GALNT12: variants seen among roughly 807,000 people sequenced by gnomAD.
The protein encoded by GALNT12 is polypeptide N-acetylgalactosaminyltransferase 12.
Under a neutral mutation model 55.5 loss-of-function variants are expected in GALNT12, and 45 were observed. The observed-to-expected ratio is 0.81, with a 90% confidence interval of 0.64 to 1.04. The LOEUF (loss-of-function observed/expected upper bound fraction) is 1.04, where lower values mean the gene tolerates loss of function less well. GALNT12 is among the 50% of genes least tolerant of loss of function. The pLI is 0.00. For missense variants in GALNT12, 709 were observed against 754.8 expected, an observed-to-expected ratio of 0.94 and a Z score of 0.71; for synonymous variants, 304 against 312.2, an observed-to-expected ratio of 0.97 and a Z score of 0.28.
At chr9:98,838,191 C>T (rs1836199142) in intron 6 of GALNT12, among the ~76,000 whole-genome samples, 1 of 152,222 alleles carries the variant, frequency 6.6e-6, no homozygotes, top group African/African-American at 2.4e-5. Flanking sequence ...TTTTCTAAAA[C>T]AGGGAGTCTG....
At chr9:98,839,917 T>C in intron 6 of GALNT12, 85 bp from the exon 7 acceptor site, 1 of 1,550,306 alleles carries the variant, frequency 6.5e-7, no homozygotes, top group Non-Finnish European at 8.9e-7. Flanking sequence ...TGGCTGGTGG[T>C]TAGTAAGTGA....
At chr9:98,818,614 G>C (rs549200098) in intron 1 of GALNT12, among the ~76,000 whole-genome samples, 26 of 152,090 alleles carry the variant, frequency 1.7e-4, no homozygotes, top group Admixed American at 4.6e-4. Context: ...GGCCATTGCT[G>C]TGCCTCTTTA....
intron 6 of GALNT12, among the ~76,000 whole-genome samples, chr9:98,838,489 C>T (rs1255203903): frequency 6.6e-6 from 1 of 152,230 alleles, no homozygotes; most frequent in Admixed American, 6.5e-5. Context: ...CTGTCGGAGG[C>T]TGAGGTTCAG....
At position 98,819,859 on chromosome 9, in the gene GALNT12, C is replaced by T. The variant is rs1004255225; in HGVS notation, c.372-3397C>T. Among the ~76,000 whole-genome samples, 5 of 152,180 alleles carry T rather than the reference C, an allele frequency of 3.3e-5. No homozygotes were observed. The South Asian group carries it at 1.0e-3, about 32-fold the overall frequency. On this transcript the variant is annotated intron_variant, in intron 1 of 9. Transcript: ENST00000375011. ...ATCCCTGGACACAAAGATCTCAGCC[C>T]AGTACATACTAGCAGGTGCTCTGTG...
At chr9:98,823,737 A>T (rs1835799680) in intron 2 of GALNT12, among the ~76,000 whole-genome samples, 1 of 152,184 alleles carries the variant, frequency 6.6e-6, no homozygotes, top group African/African-American at 2.4e-5. Flanking sequence ...TAAGGGGTTG[A>T]GGCTTAAGTG....
At chr9:98,837,812 G>A (rs939647860) in intron 6 of GALNT12, among the ~76,000 whole-genome samples, 2 of 152,222 alleles carry the variant, frequency 1.3e-5, no homozygotes, top group Admixed American at 6.5e-5. Flanking sequence ...TGGGAGTTAA[G>A]TGTTGGGCAA....
intron 3 of GALNT12, among the ~76,000 whole-genome samples, 194 bp from the exon 4 acceptor site, chr9:98,831,578 A>T (rs903407369): frequency 1.3e-5 from 2 of 152,156 alleles, no homozygotes; most frequent in Admixed American, 6.5e-5. Context: ...CGTGGCCCCC[A>T]GATCTCCCCC....
intron 7 of GALNT12, among the ~76,000 whole-genome samples, chr9:98,840,595 C>T (rs1836266256): frequency 6.6e-6 from 1 of 152,144 alleles, no homozygotes; most frequent in Non-Finnish European, 1.5e-5. Context: ...TTTGTTTTTG[C>T]TGGGAATGAC....
intron 2 of GALNT12, among the ~76,000 whole-genome samples, chr9:98,824,842 C>T (rs1835823358): frequency 6.6e-6 from 1 of 152,192 alleles, no homozygotes. Context: ...CATGTAGCAG[C>T]CGGCACATAG....
At chr9:98,842,071 GTT>G (rs11322655) in intron 7 of GALNT12, among the ~76,000 whole-genome samples, 12 of 149,544 alleles carry the variant, frequency 8.0e-5, no homozygotes, top group African/African-American at 2.2e-4. Flanking sequence ...CTACTGGGTT[GTT>G]TTTTTTTTTG....
At position 98,835,381 on chromosome 9, in the gene GALNT12, C is replaced by A; in HGVS notation, c.1035+15C>A. Reference sequence around the variant, plus strand: ...TTTCCTTTAGGGTAAGTATTTCAGTCTTCTCTTTGGACATGTTCTTAACTG... The same window carrying A: ...TTTCCTTTAGGGTAAGTATTTCAGTATTCTCTTTGGACATGTTCTTAACTG... On this transcript the variant is annotated intron_variant, in intron 5 of 9. Transcript: ENST00000375011. 1.4e-6 allele frequency: 2 copies of A among 1,448,258 alleles called. No individual in the cohort carries two copies. Among genetic ancestry groups the A allele is most frequent in the Non-Finnish European group, 1.9e-6 (2 of 1,028,590 alleles). 89.7% of individuals were successfully genotyped at this position (1,448,258 alleles called of 1,614,324 possible).
rs1836175341 is a variant in GALNT12, at chr9:98,837,154, T to A, written c.1212+6T>A. ...GCAACCCCCGTGCCCGCTTGGTGAG[T>A]TCCTCGGCCCACCTGCACTCCATCT... On this transcript the variant is annotated splice_donor_region_variant and intron_variant, in intron 6 of 9. Transcript: ENST00000375011. 1 of 1,613,790 alleles carries A rather than the reference T, an allele frequency of 6.2e-7. No individual in the cohort carries two copies. Among genetic ancestry groups the A allele is most frequent in the South Asian group, 1.1e-5 (1 of 91,062 alleles).
intron 1 of GALNT12, among the ~76,000 whole-genome samples, chr9:98,818,091 A>G (rs981808228): frequency 6.6e-6 from 1 of 152,210 alleles, no homozygotes; most frequent in African/African-American, 2.4e-5. Context: ...TAAGTTATAG[A>G]AATAACAGTT....
At chr9:98,825,333 A>T (rs1835833728) in intron 2 of GALNT12, among the ~76,000 whole-genome samples, 1 of 152,212 alleles carries the variant, frequency 6.6e-6, no homozygotes, top group African/African-American at 2.4e-5. Context: ...TCTCATAAAA[A>T]TGTGAGGCAG....
At chr9:98,814,195 T>C (rs1835562021) in intron 1 of GALNT12, among the ~76,000 whole-genome samples, 1 of 152,100 alleles carries the variant, frequency 6.6e-6, no homozygotes, top group Admixed American at 6.5e-5. Flanking sequence ...TGTGCTTGTG[T>C]ATGTTCAGCC....
At chr9:98,819,062 A>G (rs1034766103) in intron 1 of GALNT12, among the ~76,000 whole-genome samples, 1 of 152,188 alleles carries the variant, frequency 6.6e-6, no homozygotes, top group Non-Finnish European at 1.5e-5. Flanking sequence ...CTGCTTGAGT[A>G]TCCTCACAAC....
At chr9:98,840,261 C>A in intron 7 of GALNT12, 128 bp downstream of exon 7, 1 of 1,029,144 alleles carries the variant, frequency 9.7e-7, no homozygotes, top group Non-Finnish European at 1.5e-6. Context: ...CCCGCCTGCC[C>A]ACCCCCCACC....
chr9:98,843,581 AT>A (rs1836346012), intron 7 of GALNT12, among the ~76,000 whole-genome samples: 1 of 151,984 alleles, frequency 6.6e-6, no homozygotes, highest in African/African-American at 2.4e-5. Flanking sequence ...TAAGTTTTGT[AT>A]TTTTAGTAGA....
At chr9:98,838,330 C>T (rs1028496901) in intron 6 of GALNT12, among the ~76,000 whole-genome samples, 32 of 152,218 alleles carry the variant, frequency 2.1e-4, no homozygotes, top group Non-Finnish European at 1.0e-4. Flanking sequence ...CTATCTTCCT[C>T]CCCACTCAGA....
Sources: gnomAD v4.1 joint callset for allele counts (sites outside exome capture counted in the v4.1 genomes callset) on GRCh38, gnomAD v4.1.1 for gene constraint, MANE v1.5 for transcripts, NCBI Gene and HGNC (gene_info 2026-07-23, HGNC 2026-07-21) for gene names.